DOCK3: variants seen among roughly 807,000 people sequenced by gnomAD.
DOCK3 encodes dedicator of cytokinesis 3.
A neutral mutation model predicts 265.6 loss-of-function variants in DOCK3; 60 were observed. The observed-to-expected ratio is 0.23, with a 90% CI of 0.18 to 0.28. The LOEUF (loss-of-function observed/expected upper bound fraction) is 0.28, where lower values mean the gene tolerates loss of function less well. DOCK3 is among the 10% of genes least tolerant of loss of function. The pLI is 1.00. For missense variants in DOCK3, 1,981 were observed against 2,594.3 expected (o/e 0.76, Z 5.14); for synonymous variants, 881 against 938.0 (o/e 0.94, Z 1.11).
chr3:51,369,223 G>A (rs968586658), intron 49 of DOCK3, among the ~76,000 whole-genome samples: 2 of 152,256 alleles, frequency 1.3e-5, no homozygotes, highest in African/African-American at 4.8e-5. Context: ...GGCTTCAGAT[G>A]ATCGGTAATG....
intron 5 of DOCK3, among the ~76,000 whole-genome samples, chr3:51,036,056 A>C (rs1335088198): frequency 1.3e-5 from 2 of 152,174 alleles, no homozygotes; most frequent in Non-Finnish European, 2.9e-5. Context: ...CCTTAGGGCA[A>C]AGTATCTAAA....
At chr3:50,710,318 A>G (rs567147476) in intron 1 of DOCK3, among the ~76,000 whole-genome samples, 1 of 152,312 alleles carries the variant, frequency 6.6e-6, no homozygotes, top group Non-Finnish European at 1.5e-5. Flanking sequence ...ATCAGCAAGA[A>G]TAAAAACAAA....
At chr3:50,983,306 C>A (rs919473025) in intron 5 of DOCK3, among the ~76,000 whole-genome samples, 3 of 152,210 alleles carry the variant, frequency 2.0e-5, no homozygotes, top group African/African-American at 7.2e-5. Flanking sequence ...GGGTGGGTCC[C>A]TGATGAGGCC....
intron 1 of DOCK3, among the ~76,000 whole-genome samples, chr3:50,740,862 A>G (rs2038971742): frequency 6.6e-6 from 1 of 152,106 alleles, no homozygotes; most frequent in African/African-American, 2.4e-5. Flanking sequence ...CCATTTTAAC[A>G]ATTTTTAAAT....
At chr3:51,134,068 A>G (rs942458832) in intron 9 of DOCK3, among the ~76,000 whole-genome samples, 11 of 152,128 alleles carry the variant, frequency 7.2e-5, no homozygotes, top group Non-Finnish European at 2.9e-5. Context: ...GCTAAGAATG[A>G]TGGCTTCCAG....
intron 3 of DOCK3, among the ~76,000 whole-genome samples, chr3:50,851,981 T>C (rs2046375804): frequency 6.6e-6 from 1 of 152,170 alleles, no homozygotes; most frequent in Non-Finnish European, 1.5e-5. Flanking sequence ...TCTCACAGCA[T>C]CTCCAAGACT....
chr3:51,199,186 G>A (rs12487496), intron 12 of DOCK3, among the ~76,000 whole-genome samples: 11,173 of 152,238 alleles, frequency 0.073, 1,011 homozygotes, highest in East Asian at 0.32. Flanking sequence ...GACAATGGGC[G>A]CAGGTCAGTG....
chr3:51,262,032 G>A (rs1486364625), intron 23 of DOCK3, among the ~76,000 whole-genome samples: 1 of 152,188 alleles, frequency 6.6e-6, no homozygotes, highest in Non-Finnish European at 1.5e-5. Flanking sequence ...TGAAGGGAAT[G>A]GGAGATCTCC....
At chr3:50,729,049 G>A (rs1259732189) in intron 1 of DOCK3, among the ~76,000 whole-genome samples, 3 of 138,030 alleles carry the variant, frequency 2.2e-5, no homozygotes, top group Admixed American at 7.0e-5. Flanking sequence ...GGCCAGGCAC[G>A]GTGGCTCATA....
chr3:50,889,804 A>G (rs904403760), intron 3 of DOCK3, among the ~76,000 whole-genome samples: 1 of 152,062 alleles, frequency 6.6e-6, no homozygotes, highest in Admixed American at 6.6e-5. Flanking sequence ...TTGCAGTGCT[A>G]AAGATCACAG....
chr3:51,211,649 T>A (rs376235657), intron 13 of DOCK3, among the ~76,000 whole-genome samples: 95 of 152,168 alleles, frequency 6.2e-4, no homozygotes, highest in African/African-American at 2.2e-3. Context: ...CTGAGAATGA[T>A]GGTTTCCAGC....
chr3:51,231,002 G>T (rs1035483771), intron 19 of DOCK3, among the ~76,000 whole-genome samples: 1 of 149,812 alleles, frequency 6.7e-6, no homozygotes, highest in Non-Finnish European at 1.5e-5. Context: ...TTAGTTCTAA[G>T]TTTTTTTTAT....
At chr3:51,313,695 G>A (rs184194751) in intron 31 of DOCK3, among the ~76,000 whole-genome samples, 1 of 152,160 alleles carries the variant, frequency 6.6e-6, no homozygotes, top group East Asian at 1.9e-4. Flanking sequence ...CCAGTCCTCT[G>A]TTAACCATCC....
At chr3:50,965,197 G>A (rs1006172707) in intron 5 of DOCK3, among the ~76,000 whole-genome samples, 1 of 152,004 alleles carries the variant, frequency 6.6e-6, no homozygotes, top group Admixed American at 6.6e-5. Flanking sequence ...TGTTTATAAT[G>A]TACATACATC....
At chr3:50,680,898 T>G (rs1454547917) in intron 1 of DOCK3, among the ~76,000 whole-genome samples, 1 of 152,146 alleles carries the variant, frequency 6.6e-6, no homozygotes, top group Non-Finnish European at 1.5e-5. Flanking sequence ...AGTTTGCAAA[T>G]ATTTTCTCCC....
rs548235102 is a variant in DOCK3, at chr3:50,975,983, G to C, written c.315+41906G>C. 8.6e-5 allele frequency among the ~76,000 whole-genome samples: 13 copies of C among 151,016 alleles called. 1 individual carries two copies. Among genetic ancestry groups the C allele is most frequent in the Admixed American group, 7.9e-4 (12 of 15,158 alleles). ...AGTTTGTATTTCTGTGGGATCGGTG[G>C]TGATATCCCCTTTATCATTTTTTAT... is the stretch of plus-strand genomic sequence containing the variant. On this transcript the variant is annotated intron_variant, in intron 5 of 52. Coordinates refer to ENST00000266037, the MANE Select transcript of DOCK3 (RefSeq NM_004947.5).
intron 2 of DOCK3, among the ~76,000 whole-genome samples, chr3:50,836,274 G>C (rs1157714623): frequency 6.6e-6 from 1 of 152,226 alleles, no homozygotes; most frequent in East Asian, 1.9e-4. Flanking sequence ...CCTAGCAGAG[G>C]TTCTCCATGA....
At chr3:51,204,916 A>G (rs952623750) in intron 12 of DOCK3, among the ~76,000 whole-genome samples, 1 of 152,074 alleles carries the variant, frequency 6.6e-6, no homozygotes, top group Non-Finnish European at 1.5e-5. Flanking sequence ...TATCGCAAGA[A>G]CAAAAAACCA....
intron 5 of DOCK3, among the ~76,000 whole-genome samples, chr3:50,935,191 G>T (rs1292437784): frequency 6.6e-6 from 1 of 152,180 alleles, no homozygotes; most frequent in Non-Finnish European, 1.5e-5. Context: ...AGCCCCAAAA[G>T]ACAGAAACTT....
Sources: allele counts gnomAD v4.1 joint callset (sites outside exome capture counted in the v4.1 genomes callset), GRCh38; gene constraint gnomAD v4.1.1; transcripts MANE v1.5; gene names NCBI Gene and HGNC (gene_info 2026-07-23, HGNC 2026-07-21).